The following PCDHGB5 variants were observed in gnomAD, a reference collection of about 807,000 sequenced individuals.
PCDHGB5 encodes protocadherin gamma subfamily B, 5.
Under a neutral mutation model 62.9 loss-of-function variants are expected in PCDHGB5, and 48 were observed. The ratio of observed to expected loss-of-function variants is 0.76; its 90% CI spans 0.61 to 0.97. The LOEUF (loss-of-function observed/expected upper bound fraction) is 0.97, where lower values mean the gene tolerates loss of function less well. PCDHGB5 is among the 50% of genes least tolerant of loss of function. The pLI is 0.00. For missense variants in PCDHGB5, 1,118 were observed against 1,198.6 expected (o/e 0.93, Z 0.99); for synonymous variants, 474 against 511.2 (o/e 0.93, Z 0.98).
Position 141,398,942 on chromosome 5 carries a change from G to A in PCDHGB5, c.815G>A (p.Gly272Asp), listed in dbSNP as rs748252181. The A allele has an allele frequency of 1.2e-6, 2 of 1,613,884 alleles. No homozygotes were observed. Among genetic ancestry groups the A allele is most frequent in the South Asian group, 1.1e-5 (1 of 91,074 alleles). The part of the protein sequence containing the change: ...LQVSATDQDE[G>D]INSEITYSFY... ...GTGTCAGCCACTGACCAAGACGAGGGCATCAACTCAGAAATTACTTATTCC... is the reference window on the plus strand; with the variant it reads ...GTGTCAGCCACTGACCAAGACGAGGACATCAACTCAGAAATTACTTATTCC... Residue 272 changes from glycine (G) to aspartate (D), a missense_variant, in exon 1 of 4, where the codon GGC becomes GAC. By Grantham distance (94) the Gly-to-Asp change is moderately conservative. Coordinates refer to ENST00000617380, the MANE Select transcript of PCDHGB5 (RefSeq NM_018925.3).
At chr5:141,478,234 G>C (rs762337749) in intron 1 of PCDHGB5, 21 of 1,614,082 alleles carry the variant, frequency 1.3e-5, no homozygotes, top group Non-Finnish European at 1.8e-5. Flanking sequence ...TGGGGTTTGT[G>C]GTCACAGTGT....
At chr5:141,498,919 C>T (rs897611505) in intron 2 of PCDHGB5, among the ~76,000 whole-genome samples, 34 of 122,310 alleles carry the variant, frequency 2.8e-4, no homozygotes, top group African/African-American at 3.4e-4. Flanking sequence ...GGTGACAGAG[C>T]GAGACTCCAT....
Position 141,489,179 on chromosome 5 carries a change from C to T in PCDHGB5, c.2398-5628C>T. ...AGACTTCAGCTGCTGCATTCCAAGC[C>T]CTGGGTCTACCTTGGAGACAGGACA... On this transcript the variant is annotated intron_variant, in intron 1 of 3. Coordinates refer to ENST00000617380, the MANE Select transcript of PCDHGB5 (RefSeq NM_018925.3). The surrounding 1 kb of genome is among the most constrained non-coding windows in gnomAD (Gnocchi z 4.5). The T allele has an allele frequency of 8.0e-7, 1 of 1,243,186 alleles. No individual in the cohort carries two copies. The highest frequency in any genetic ancestry group is 1.1e-6 in the Non-Finnish European group (1 of 890,032). The allele number at this position is 1,243,186 out of a possible 1,614,324, so 77.0% of individuals were successfully genotyped here. A position where few individuals can be genotyped will look rare whatever the true frequency, so the allele number is the denominator to read the frequency against.
At chr5:141,506,669 A>C (rs1293213848) in intron 3 of PCDHGB5, among the ~76,000 whole-genome samples, 1 of 152,198 alleles carries the variant, frequency 6.6e-6, no homozygotes, top group African/African-American at 2.4e-5. Flanking sequence ...GTAAGGGCAC[A>C]ATATATTATT....
rs377138746 is a variant in PCDHGB5 at position 141,432,481 on chromosome 5, C to T, written c.2397+31957C>T. ...CCCTCCCCACGGACGGTTCCACTGG[C>T]GTGGAGCTGGCTCCCCGCTCCGCAG... On this transcript the variant is annotated intron_variant, in intron 1 of 3. Transcript: ENST00000617380. This position sits in a 1 kb window ranked among gnomAD's most constrained non-coding sequence, Gnocchi z 6.0. The T allele has an allele frequency of 1.1e-5, 17 of 1,614,198 alleles. No individual in the cohort carries two copies. The African/African-American group carries it at 1.7e-4, about 16-fold the overall frequency.
intron 1 of PCDHGB5, chr5:141,404,997 C>T: frequency 6.2e-7 from 1 of 1,614,034 alleles, no homozygotes; most frequent in East Asian, 2.2e-5. Flanking sequence ...CAGATCCCTG[C>T]AGACCTGGAG....
chr5:141,430,619 A>G lies in PCDHGB5; in HGVS notation c.2397+30095A>G, dbSNP rs192473783. ...CGCCTGAAGCACAAAGCAGATAGCT[A>G]GGAATGAACCATCCCTGGGAGTATG... On this transcript the variant is annotated intron_variant, in intron 1 of 3. Coordinates refer to ENST00000617380, the MANE Select transcript of PCDHGB5 (RefSeq NM_018925.3). 9.4e-5 allele frequency: 68 copies of G among 720,190 alleles called. 1 individual carries two copies. The African/African-American group carries it at 1.1e-3, about 12-fold the overall frequency. 44.6% of individuals were successfully genotyped at this position (720,190 alleles called of 1,614,324 possible). A position where few individuals can be genotyped will look rare whatever the true frequency, so the allele number is the denominator to read the frequency against.
intron 1 of PCDHGB5, among the ~76,000 whole-genome samples, chr5:141,471,791 A>C (rs904614629): frequency 1.3e-5 from 2 of 152,238 alleles, no homozygotes; most frequent in Admixed American, 1.3e-4. Context: ...ATGCTATGTC[A>C]TATAAAAGAC....
intron 1 of PCDHGB5, chr5:141,419,897 A>G: frequency 1.2e-6 from 2 of 1,613,960 alleles, no homozygotes; most frequent in African/African-American, 2.7e-5. Flanking sequence ...CGACCATCCC[A>G]CACCCTCTGA....
At chr5:141,441,635 G>T in intron 1 of PCDHGB5, 1 of 226,720 alleles carries the variant, frequency 4.4e-6, no homozygotes, top group Non-Finnish European at 8.9e-6. Flanking sequence ...TGGAGCCACA[G>T]GCGCTGTGAT....
intron 1 of PCDHGB5, chr5:141,408,126 C>T: frequency 1.5e-5 from 22 of 1,479,600 alleles, no homozygotes; most frequent in Non-Finnish European, 1.6e-5. Flanking sequence ...TGTCCTGGGC[C>T]GAATGCTCTT....
chr5:141,420,075 G>A (rs893749179), intron 1 of PCDHGB5: 17 of 1,613,944 alleles, frequency 1.1e-5, no homozygotes, highest in Admixed American at 6.7e-5. Context: ...GGACCTGTGG[G>A]TCCCCCCAAC....
At chr5:141,464,056 G>C (rs2154568334) in intron 1 of PCDHGB5, among the ~76,000 whole-genome samples, 1 of 152,210 alleles carries the variant, frequency 6.6e-6, no homozygotes, top group East Asian at 1.9e-4. Context: ...CCTGAGGTCA[G>C]GAGTTCAAGG....
intron 1 of PCDHGB5, chr5:141,417,570 T>A: frequency 2.7e-6 from 1 of 373,028 alleles, no homozygotes; most frequent in Non-Finnish European, 4.7e-6. Context: ...AAAAGTCAAG[T>A]TGCAGTCCCA....
At chr5:141,467,055 CTT>C (rs1193465269) in intron 1 of PCDHGB5, among the ~76,000 whole-genome samples, 47 of 134,388 alleles carry the variant, frequency 3.5e-4, no homozygotes, top group Admixed American at 6.0e-4. Context: ...TCAATGTTTT[CTT>C]TTTTTTTTTT....
chr5:141,459,756 G>A (rs1455980132), intron 1 of PCDHGB5, among the ~76,000 whole-genome samples: 1 of 152,118 alleles, frequency 6.6e-6, no homozygotes, highest in Non-Finnish European at 1.5e-5. Flanking sequence ...AATTCTAGTG[G>A]GTGTGTGATA....
In PCDHGB5 at chr5:141,399,118, A is replaced by G; in HGVS notation, c.991A>G (p.Ile331Val). 6.2e-7 allele frequency: 1 copy of G among 1,613,822 alleles called. No individual in the cohort carries two copies. The highest frequency in any genetic ancestry group is 8.5e-7 in the Non-Finnish European group (1 of 1,179,866). The change falls in exon 1 of 4, where the codon ATT (isoleucine) becomes GTT (valine). Residue 331 changes from isoleucine to valine, a missense_variant. Around this residue, in one of 2 missense-constraint regions of PCDHGB5, gnomAD observed 1,034 missense variants for 1,029.1 expected, o/e 1.00. Transcript: ENST00000617380. ...ACTGGTTGCACAATGTACAGTTGAA[A>G]TTAATATTCAAGATGAAAATGACAA... The part of the protein sequence containing the change: ...GGLVAQCTVE[I>V]NIQDENDNSP...
Position 141,489,600 on chromosome 5 carries a change from G to A in PCDHGB5, c.2398-5207G>A, listed in dbSNP as rs1407225048. 8.1e-6 allele frequency: 13 copies of A among 1,614,034 alleles called. No homozygotes were observed. Among genetic ancestry groups the A allele is most frequent in the Non-Finnish European group, 1.1e-5 (13 of 1,179,962 alleles). ...ACCCCCTGGAGCTAATCCGTGTAGA[G>A]GTAGAGATCCTGGATCTCAATGACA... On this transcript the variant is annotated intron_variant, in intron 1 of 3. Transcript: ENST00000617380. This position sits in a 1 kb window ranked among gnomAD's most constrained non-coding sequence, Gnocchi z 4.5.
Position 141,414,407 on chromosome 5 carries a change from A to T in PCDHGB5, c.2397+13883A>T, listed in dbSNP as rs181582338. On this transcript the variant is annotated intron_variant, in intron 1 of 3. Transcript: ENST00000617380. ...GACAGTTATTACAGATTGGTGATACACAGAGCCCTTGACAGGGAACAGGTA... is the reference window on the plus strand; with the variant it reads ...GACAGTTATTACAGATTGGTGATACTCAGAGCCCTTGACAGGGAACAGGTA... 96 of 1,613,912 alleles carry T rather than the reference A, an allele frequency of 5.9e-5. No individual in the cohort carries two copies. In the East Asian group the frequency reaches 1.5e-3, roughly 25 times the overall value.
Sources: allele counts gnomAD v4.1 joint callset (sites outside exome capture counted in the v4.1 genomes callset), GRCh38; gene constraint gnomAD v4.1.1; regional missense constraint gnomAD v4.1.1; non-coding constraint Gnocchi (gnomAD v3.1); transcripts MANE v1.5; gene names NCBI Gene and HGNC (gene_info 2026-07-23, HGNC 2026-07-21).